Variants in GRID1 observed in about 807,000 individuals in gnomAD.
The protein encoded by GRID1 is glutamate ionotropic receptor delta type subunit 1.
In GRID1, 28 loss-of-function variants were observed where a neutral mutation model predicts 98.0. The ratio of observed to expected loss-of-function variants is 0.29; its 90% confidence interval spans 0.21 to 0.39. The LOEUF is 0.39. Ranked by LOEUF, GRID1 falls within the 10% of genes least tolerant of loss-of-function variation. GRID1 has a pLI of 1.00. For missense variants in GRID1, 1,111 were observed against 1,340.5 expected, an observed-to-expected ratio of 0.83 and a Z score of 2.67; for synonymous variants, 553 against 538.5, an observed-to-expected ratio of 1.03 and a Z score of -0.37.
chr10:86,144,287 C>T (rs956412641), intron 3 of GRID1, among the ~76,000 whole-genome samples: 1 of 152,092 alleles, frequency 6.6e-6, no homozygotes, highest in African/African-American at 2.4e-5. Context: ...GCTCTGGAAA[C>T]CCCTAGGAAG....
intron 2 of GRID1, among the ~76,000 whole-genome samples, chr10:86,246,787 A>C (rs1482697221): frequency 2.0e-5 from 3 of 151,890 alleles, no homozygotes; most frequent in Non-Finnish European, 4.4e-5. Flanking sequence ...CACCTCTCCA[A>C]AGCCAACCCC....
intron 13 of GRID1, among the ~76,000 whole-genome samples, chr10:85,629,789 G>A (rs896996759): frequency 2.0e-5 from 3 of 152,084 alleles, no homozygotes; most frequent in African/African-American, 7.2e-5. Context: ...TCTACATACT[G>A]TTTTCCATAG....
intron 8 of GRID1, among the ~76,000 whole-genome samples, chr10:85,734,926 G>C (rs1453268013): frequency 6.6e-6 from 1 of 152,168 alleles, no homozygotes. Context: ...CCCAAGATTA[G>C]GAGAGACATG....
chr10:85,797,412 C>T (rs981161181), intron 8 of GRID1, among the ~76,000 whole-genome samples: 1 of 151,638 alleles, frequency 6.6e-6, no homozygotes, highest in Non-Finnish European at 1.5e-5. Flanking sequence ...TATTTCTGTA[C>T]TTATTTTTAT....
intron 4 of GRID1, among the ~76,000 whole-genome samples, chr10:86,125,016 C>T (rs144150711): frequency 7.2e-5 from 11 of 152,324 alleles, no homozygotes; most frequent in Non-Finnish European, 1.3e-4. Flanking sequence ...TGAGGTTGGT[C>T]CCTCCCTGCA....
chr10:85,999,174 T>C (rs1842775299), intron 4 of GRID1, among the ~76,000 whole-genome samples: 1 of 146,400 alleles, frequency 6.8e-6, no homozygotes, highest in Non-Finnish European at 1.5e-5. Context: ...ATTGTGCCAC[T>C]GCACTCCAGC....
At position 86,366,793 on chromosome 10, in the gene GRID1, A is replaced by C. The variant is rs1180289313; in HGVS notation, c.-401T>G. Among the ~76,000 whole-genome samples the C allele has an allele frequency of 1.3e-5, 2 of 149,350 alleles. No individual in the cohort carries two copies. The highest frequency in any genetic ancestry group is 4.9e-5 in the African/African-American group (2 of 40,812). ...GTGTCTGAGCCCCGGCGAGGAGCGA[A>C]CTGCGGAGGACGCCCCCTCCCCTCC... On this transcript the variant is annotated 5_prime_UTR_variant, in exon 1 of 16. Coordinates refer to ENST00000327946, the MANE Select transcript of GRID1 (RefSeq NM_017551.3). The surrounding 1 kb of genome is among the most constrained non-coding windows in gnomAD (Gnocchi z 4.1).
chr10:86,098,106 G>A (rs1844247242), intron 4 of GRID1, among the ~76,000 whole-genome samples: 1 of 152,108 alleles, frequency 6.6e-6, no homozygotes, highest in African/African-American at 2.4e-5. Flanking sequence ...TGTTCCAGTG[G>A]CATCTGGCCT....
intron 5 of GRID1, among the ~76,000 whole-genome samples, chr10:85,884,796 G>T (rs1841088237): frequency 6.6e-6 from 1 of 152,150 alleles, no homozygotes; most frequent in South Asian, 2.1e-4. Flanking sequence ...AACTGTTGAT[G>T]AAATTGGAAT....
At chr10:86,142,307 C>A (rs576010359) in intron 3 of GRID1, among the ~76,000 whole-genome samples, 32 of 152,330 alleles carry the variant, frequency 2.1e-4, no homozygotes, top group African/African-American at 7.7e-4. Context: ...AGTGATAGAT[C>A]GAGGTCATTG....
chr10:86,246,123 T>A (rs1846722588), intron 2 of GRID1, among the ~76,000 whole-genome samples: 1 of 152,150 alleles, frequency 6.6e-6, no homozygotes, highest in African/African-American at 2.4e-5. Flanking sequence ...GGCTGAAAGG[T>A]CAGTGCCACC....
intron 8 of GRID1, among the ~76,000 whole-genome samples, chr10:85,729,968 C>A (rs1841805149): frequency 2.0e-5 from 3 of 152,248 alleles, no homozygotes; most frequent in Non-Finnish European, 2.9e-5. Flanking sequence ...TCTTTAATTA[C>A]TCCTTTGACT....
rs759173186 is a variant in GRID1, at chr10:85,722,152, G to A, written c.1997+851C>T. Among the ~76,000 whole-genome samples, 7 of 152,148 alleles carry A rather than the reference G, an allele frequency of 4.6e-5. No individual in the cohort carries two copies. In the East Asian group the frequency reaches 9.6e-4, roughly 21 times the overall value. On this transcript the variant is annotated intron_variant, in intron 12 of 15. Transcript: ENST00000327946. ...TAGCTAGTTGAGACCCATAGAGGCT[G>A]GTTGAGTATGGACGACTTGATTAAG...
chr10:86,135,619 C>T (rs1844913070), intron 4 of GRID1, among the ~76,000 whole-genome samples: 1 of 152,110 alleles, frequency 6.6e-6, no homozygotes, highest in Non-Finnish European at 1.5e-5. Context: ...GGGCCTGACA[C>T]ACAAGCCCAC....
At chr10:85,784,542 C>T (rs1255797154) in intron 8 of GRID1, among the ~76,000 whole-genome samples, 1 of 152,222 alleles carries the variant, frequency 6.6e-6, no homozygotes, top group East Asian at 1.9e-4. Flanking sequence ...TCTCCCTTTC[C>T]CCCTTCTACC....
chr10:85,728,692 C>T (rs74148739), intron 9 of GRID1, among the ~76,000 whole-genome samples: 9,099 of 152,230 alleles, frequency 0.06, 515 homozygotes, highest in African/African-American at 0.15. Flanking sequence ...TTGGCACTCC[C>T]TACCATTCCC....
chr10:85,764,950 C>T (rs1239416879), intron 8 of GRID1, among the ~76,000 whole-genome samples: 1 of 152,036 alleles, frequency 6.6e-6, no homozygotes, highest in East Asian at 1.9e-4. Context: ...TTTCTTTGCC[C>T]CAAAGAGGAC....
intron 4 of GRID1, among the ~76,000 whole-genome samples, chr10:85,925,828 G>A (rs972714765): frequency 5.9e-5 from 9 of 152,196 alleles, no homozygotes; most frequent in African/African-American, 1.4e-4. Flanking sequence ...AAGCATTAGC[G>A]CTCAAGGTTA....
intron 2 of GRID1, among the ~76,000 whole-genome samples, chr10:86,323,641 G>A (rs1848001458): frequency 6.6e-6 from 1 of 152,234 alleles, no homozygotes. Flanking sequence ...GCGGCCGGGG[G>A]AGTGGAAATT....
Sources: allele counts gnomAD v4.1 joint callset (sites outside exome capture counted in the v4.1 genomes callset), GRCh38; gene constraint gnomAD v4.1.1; non-coding constraint Gnocchi (gnomAD v3.1); transcripts MANE v1.5; gene names NCBI Gene and HGNC (gene_info 2026-07-23, HGNC 2026-07-21).